PTPN3: variants seen among roughly 807,000 people sequenced by gnomAD.
The protein encoded by PTPN3 is protein tyrosine phosphatase non-receptor type 3.
In PTPN3, 96 loss-of-function variants were observed where a neutral mutation model predicts 132.7. The observed-to-expected ratio is 0.72, with a 90% CI of 0.61 to 0.86. The LOEUF is 0.86. PTPN3 is among the 40% of genes least tolerant of loss of function. PTPN3 has a pLI of 0.00. For synonymous variants in PTPN3, 398 were observed against 429.0 expected (o/e 0.93, Z 0.89); for missense variants, 1,125 against 1,159.6 (o/e 0.97, Z 0.43).
rs541976903 is a variant in PTPN3, at chr9:109,459,887, C to T, written c.139-2488G>A. ...CTTTAGTGCCTGCTCCTCACCTCTC[C>T]TACCCTTAAGCACCGTTCGCAGCTT... On this transcript the variant is annotated intron_variant, in intron 2 of 25. Coordinates refer to ENST00000374541, the MANE Select transcript of PTPN3 (RefSeq NM_002829.4). Among the ~76,000 whole-genome samples the T allele has an allele frequency of 3.3e-5, 5 of 152,214 alleles. No individual in the cohort carries two copies. In the East Asian group the frequency reaches 9.7e-4, roughly 29 times the overall value.
chr9:109,512,680 A>G, the PTPN3 span, among the ~76,000 whole-genome samples: 1 of 152,160 alleles, frequency 6.6e-6, no homozygotes, highest in African/African-American at 2.4e-5. Context: ...AGGAGATTAA[A>G]ATTGTTTATC....
At chr9:109,386,777 G>A (rs764598181) in intron 22 of PTPN3, among the ~76,000 whole-genome samples, 1 of 152,210 alleles carries the variant, frequency 6.6e-6, no homozygotes, top group Non-Finnish European at 1.5e-5. Flanking sequence ...GAAGCCACCA[G>A]AGGGTTTGAG....
upstream of PTPN3, among the ~76,000 whole-genome samples, chr9:109,498,950 G>A (rs1227078291): frequency 2.0e-5 from 3 of 152,150 alleles, no homozygotes; most frequent in Admixed American, 6.5e-5. This position sits in a 1 kb window ranked among gnomAD's most constrained non-coding sequence, Gnocchi z 4.2. Flanking sequence ...TCCTCAGAGA[G>A]GCCTTTCCTG....
chr9:109,380,214 A>AATCTACCT (rs1554773464), intron 25 of PTPN3, among the ~76,000 whole-genome samples: 1 of 145,790 alleles, frequency 6.9e-6, no homozygotes, highest in Non-Finnish European at 1.5e-5. Context: ...CAGCTAGGAA[A>AATCTACCT]ATCTATCTAT....
intron 19 of PTPN3, among the ~76,000 whole-genome samples, chr9:109,398,549 C>T (rs78316731): frequency 0.04 from 6,105 of 152,180 alleles, 163 homozygotes; most frequent in East Asian, 0.15. Flanking sequence ...GTGGAGGGGC[C>T]GGGTATCTGA....
Position 109,482,314 on chromosome 9 carries a change from C to T in PTPN3, c.-18+15905G>A, listed in dbSNP as rs73527469. Among the ~76,000 whole-genome samples, 1,167 of 152,304 alleles carry T rather than the reference C, an allele frequency of 7.7e-3. 13 individuals are homozygous for T. Among genetic ancestry groups the T allele is most frequent in the African/African-American group, 0.027 (1,122 of 41,558 alleles). ...AAACAAAAAAGCTACTTGCCAATTT[C>T]GGACGGCCAGTTAAGTAAGCCACAA... On this transcript the variant is annotated intron_variant, in intron 1 of 25. Transcript: ENST00000374541.
intron 1 of PTPN3, among the ~76,000 whole-genome samples, chr9:109,488,928 T>C (rs1847334603): frequency 6.6e-6 from 1 of 152,174 alleles, no homozygotes; most frequent in Non-Finnish European, 1.5e-5. Context: ...TGCCACCTGC[T>C]TCCCTGCCTT....
chr9:109,442,955 T>C (rs1844596751), intron 7 of PTPN3, among the ~76,000 whole-genome samples: 1 of 152,218 alleles, frequency 6.6e-6, no homozygotes, highest in South Asian at 2.1e-4. Context: ...ACATTATTGC[T>C]TAATTTGAAC....
At chr9:109,482,787 C>A (rs1384936387) in intron 1 of PTPN3, among the ~76,000 whole-genome samples, 15 of 152,236 alleles carry the variant, frequency 9.9e-5, no homozygotes, top group Admixed American at 9.8e-4. Flanking sequence ...CAGTGCTGGG[C>A]TGCCTCCTCC....
chr9:109,492,134 CTG>C (rs1847490106), intron 1 of PTPN3, among the ~76,000 whole-genome samples: 1 of 152,158 alleles, frequency 6.6e-6, no homozygotes, highest in African/African-American at 2.4e-5. Flanking sequence ...GTGGGGAAGA[CTG>C]AGCTCAGAGG....
chr9:109,441,658 T>C (rs1446837752), intron 7 of PTPN3, among the ~76,000 whole-genome samples: 2 of 152,206 alleles, frequency 1.3e-5, no homozygotes, highest in East Asian at 1.9e-4. Context: ...CCAAAAAATA[T>C]ACTTTATTCT....
the PTPN3 span, among the ~76,000 whole-genome samples, chr9:109,525,578 T>C: frequency 5.9e-5 from 9 of 152,210 alleles, no homozygotes; most frequent in Non-Finnish European, 1.5e-5. Flanking sequence ...ATTGGTTTTA[T>C]GTGCAACCAG....
the PTPN3 span, among the ~76,000 whole-genome samples, chr9:109,523,902 C>T: frequency 9.2e-5 from 14 of 152,194 alleles, no homozygotes; most frequent in South Asian, 2.9e-3. Context: ...TTTGCAATGA[C>T]CTCCCTGGGA....
intron 14 of PTPN3, 35 bp from the exon 15 acceptor site, chr9:109,410,450 G>C: frequency 6.3e-7 from 1 of 1,596,630 alleles, no homozygotes; most frequent in Non-Finnish European, 8.6e-7. Flanking sequence ...ATTAATAACT[G>C]GGTTAATATT....
chr9:109,407,584 G>A (rs1302940096), intron 17 of PTPN3, among the ~76,000 whole-genome samples: 4 of 152,140 alleles, frequency 2.6e-5, no homozygotes, highest in South Asian at 4.2e-4. Context: ...TCACTCTGTC[G>A]CTCAGGCTGG....
chr9:109,409,305 T>C (rs1263893800), intron 16 of PTPN3, among the ~76,000 whole-genome samples: 1 of 152,166 alleles, frequency 6.6e-6, no homozygotes, highest in Non-Finnish European at 1.5e-5. Context: ...TTAGCAATGC[T>C]GAGGGGTTCT....
chr9:109,422,805 C>T lies in PTPN3; in HGVS notation c.1049G>A (p.Trp350Ter). 6.2e-7 allele frequency: 1 copy of T among 1,612,760 alleles called. No homozygotes were observed. The highest frequency in any genetic ancestry group is 8.5e-7 in the Non-Finnish European group (1 of 1,178,796). ...TAAGGATCTCCGCATGGCTGGGTTC[C>T]ACACCATCCCGCCAATCACCTTTTT... ...YCKKVIGGMV[W>*]NPAMRRSLSV... Residue 350 changes from tryptophan (W) to a stop codon, truncating the protein, a stop_gained, in exon 13 of 26, where the codon TGG becomes TAG. Transcript: ENST00000374541. LOFTEE classifies it high-confidence loss of function.
chr9:109,388,453 G>A (rs1329895025), intron 22 of PTPN3, among the ~76,000 whole-genome samples: 1 of 152,200 alleles, frequency 6.6e-6, no homozygotes, highest in Non-Finnish European at 1.5e-5. Flanking sequence ...CAGTGAGAAA[G>A]AAAGGGCTGG....
intron 19 of PTPN3, among the ~76,000 whole-genome samples, chr9:109,400,081 C>T (rs942469631): frequency 6.6e-6 from 1 of 152,084 alleles, no homozygotes; most frequent in African/African-American, 2.4e-5. Context: ...GTGTGTGCCA[C>T]CATGGCTGGC....
Sources: gnomAD v4.1 joint callset for allele counts (sites outside exome capture counted in the v4.1 genomes callset) on GRCh38, gnomAD v4.1.1 for gene constraint, Gnocchi (gnomAD v3.1) non-coding constraint, MANE v1.5 for transcripts, NCBI Gene and HGNC (gene_info 2026-07-23, HGNC 2026-07-21) for gene names.